The following LYPLAL1 variants were observed in gnomAD, a reference collection of about 807,000 sequenced individuals.
LYPLAL1 encodes the protein lysophospholipase like 1.
LYPLAL1 carries 23 observed loss-of-function variants against 19.7 expected under a neutral mutation model. The ratio of observed to expected loss-of-function variants is 1.17; its 90% CI spans 0.84 to 1.65. The LOEUF (loss-of-function observed/expected upper bound fraction) is 1.65, where lower values mean the gene tolerates loss of function less well. LYPLAL1 is among the 40% of genes most tolerant of loss of function. The probability of loss-of-function intolerance (pLI) is 0.00; values close to 1 mark genes in which losing one functional copy is unlikely to be tolerated. For synonymous variants in LYPLAL1, 119 were observed against 96.3 expected (o/e 1.24, Z -1.38); for missense variants, 355 against 279.4 (o/e 1.27, Z -1.93).
the LYPLAL1 span, among the ~76,000 whole-genome samples, chr1:219,368,577 A>G: frequency 1.3e-5 from 2 of 152,228 alleles, no homozygotes; most frequent in African/African-American, 4.8e-5. Flanking sequence ...TCTGTCAGCC[A>G]GAGAAAAATG....
At chr1:219,191,287 A>C (rs909449568) in intron 2 of LYPLAL1, among the ~76,000 whole-genome samples, 5 of 151,606 alleles carry the variant, frequency 3.3e-5, no homozygotes, top group African/African-American at 1.2e-4. Context: ...CCAGTAGATA[A>C]AAACACGTAT....
At chr1:219,384,119 T>G in the LYPLAL1 span, among the ~76,000 whole-genome samples, 1 of 152,204 alleles carries the variant, frequency 6.6e-6, no homozygotes, top group Non-Finnish European at 1.5e-5. Flanking sequence ...GAGGTCAAAG[T>G]TAGAAATGCG....
the LYPLAL1 span, among the ~76,000 whole-genome samples, chr1:219,303,237 AT>A: frequency 6.6e-6 from 1 of 152,230 alleles, no homozygotes; most frequent in Non-Finnish European, 1.5e-5. Context: ...GATGTTTACA[AT>A]GTTCCAGGCA....
At chr1:219,178,059 C>T (rs1655968470) in intron 1 of LYPLAL1, among the ~76,000 whole-genome samples, 1 of 152,192 alleles carries the variant, frequency 6.6e-6, no homozygotes, top group Admixed American at 6.5e-5. Flanking sequence ...TAGTTCAAAC[C>T]ATTCAGCAAC....
the LYPLAL1 span, among the ~76,000 whole-genome samples, chr1:219,402,495 A>G: frequency 6.6e-6 from 1 of 152,172 alleles, no homozygotes; most frequent in Non-Finnish European, 1.5e-5. Flanking sequence ...AAGGAACATT[A>G]CAAAGTTTCA....
chr1:219,226,534 T>A, the LYPLAL1 span, among the ~76,000 whole-genome samples: 124 of 152,078 alleles, frequency 8.2e-4, no homozygotes, highest in Non-Finnish European at 1.4e-3. Flanking sequence ...AATAGATAGC[T>A]GCTATCAGCT....
At chr1:219,321,847 C>T in the LYPLAL1 span, among the ~76,000 whole-genome samples, 78 of 152,156 alleles carry the variant, frequency 5.1e-4, no homozygotes, top group African/African-American at 1.6e-3. Context: ...AGTGACAGAA[C>T]GGCACACCCT....
At chr1:219,381,317 A>T in the LYPLAL1 span, among the ~76,000 whole-genome samples, 3 of 152,130 alleles carry the variant, frequency 2.0e-5, no homozygotes, top group Admixed American at 2.0e-4. Flanking sequence ...CAGCTGTGCG[A>T]AACTGTGAGT....
At chr1:219,412,172 C>G in the LYPLAL1 span, among the ~76,000 whole-genome samples, 2 of 152,094 alleles carry the variant, frequency 1.3e-5, no homozygotes, top group Non-Finnish European at 2.9e-5. Flanking sequence ...TCTCAGCCCC[C>G]CAACAGGTAC....
chr1:219,207,500 A>G (rs906893584), intron 3 of LYPLAL1, among the ~76,000 whole-genome samples: 1 of 151,960 alleles, frequency 6.6e-6, no homozygotes. Flanking sequence ...ATCACCAAAA[A>G]CCTACATTTT....
At chr1:219,337,532 C>G in the LYPLAL1 span, among the ~76,000 whole-genome samples, 3 of 151,984 alleles carry the variant, frequency 2.0e-5, no homozygotes, top group African/African-American at 7.2e-5. Context: ...TAGACTCCAC[C>G]TTGACTGGTC....
chr1:219,289,871 A>G, the LYPLAL1 span, among the ~76,000 whole-genome samples: 1 of 152,222 alleles, frequency 6.6e-6, no homozygotes, highest in Non-Finnish European at 1.5e-5. Context: ...CTCTGATATT[A>G]ATGCCCCTTG....
chr1:219,313,694 T>A, the LYPLAL1 span, among the ~76,000 whole-genome samples: 1 of 151,662 alleles, frequency 6.6e-6, no homozygotes, highest in East Asian at 1.9e-4. Context: ...ACCACCACAC[T>A]CAGTTAATTT....
chr1:219,289,718 C>T, the LYPLAL1 span, among the ~76,000 whole-genome samples: 2 of 152,106 alleles, frequency 1.3e-5, no homozygotes, highest in African/African-American at 2.4e-5. Context: ...CACTTTCAAG[C>T]GTATTGTTTT....
At chr1:219,361,734 GGTGTT>G in the LYPLAL1 span, among the ~76,000 whole-genome samples, 1 of 152,052 alleles carries the variant, frequency 6.6e-6, no homozygotes, top group Non-Finnish European at 1.5e-5. Context: ...CCAGAAGAAA[GGTGTT>G]ATTAAGAGAA....
At chr1:219,256,892 T>A in the LYPLAL1 span, among the ~76,000 whole-genome samples, 1 of 152,028 alleles carries the variant, frequency 6.6e-6, no homozygotes, top group Admixed American at 6.6e-5. Context: ...TGGTTATTGC[T>A]TTTCACCTTA....
the LYPLAL1 span, among the ~76,000 whole-genome samples, chr1:219,261,147 T>A: frequency 5.9e-5 from 9 of 152,258 alleles, no homozygotes; most frequent in East Asian, 1.7e-3. Flanking sequence ...AAAAATAAGC[T>A]ATCATTAAAC....
At chr1:219,333,501 C>T in the LYPLAL1 span, among the ~76,000 whole-genome samples, 9 of 151,990 alleles carry the variant, frequency 5.9e-5, no homozygotes, top group East Asian at 5.8e-4. Context: ...CCAATGCTCC[C>T]GATCTCAAAC....
At chr1:219,347,307 G>C in the LYPLAL1 span, among the ~76,000 whole-genome samples, 1 of 772 alleles carries the variant, frequency 1.3e-3, no homozygotes, top group Non-Finnish European at 0.013. Flanking sequence ...TTTGGCTTCT[G>C]AATGTTGATC....
Sources: gnomAD v4.1 joint callset for allele counts (sites outside exome capture counted in the v4.1 genomes callset) on GRCh38, gnomAD v4.1.1 for gene constraint, MANE v1.5 for transcripts, NCBI Gene and HGNC (gene_info 2026-07-23, HGNC 2026-07-21) for gene names.